Variants in C12orf50 observed in about 807,000 individuals in gnomAD.
C12orf50 encodes the protein uncharacterized protein C12orf50.
C12orf50 carries 35 observed loss-of-function variants against 61.6 expected under a neutral mutation model. The ratio of observed to expected loss-of-function variants is 0.57; its 90% CI spans 0.43 to 0.75. C12orf50 has a LOEUF of 0.75. Among genes scored for constraint, C12orf50 ranks in the 30% least tolerant of loss-of-function variants. The probability of loss-of-function intolerance (pLI) is 0.00; values close to 1 mark genes in which losing one functional copy is unlikely to be tolerated. For synonymous variants in C12orf50, 178 were observed against 161.5 expected (o/e 1.10, Z -0.77); for missense variants, 475 against 488.5 (o/e 0.97, Z 0.26).
chr12:87,995,584 T>G (rs1277023632), intron 6 of C12orf50, among the ~76,000 whole-genome samples: 1 of 152,218 alleles, frequency 6.6e-6, no homozygotes, highest in African/African-American at 2.4e-5. Context: ...ATAAACAGCC[T>G]TTTAAAGCAT....
At chr12:87,998,463 C>T (rs1242509969) in intron 3 of C12orf50, among the ~76,000 whole-genome samples, 2 of 151,614 alleles carry the variant, frequency 1.3e-5, no homozygotes, top group Non-Finnish European at 2.9e-5. Flanking sequence ...GAAAAAGATT[C>T]TGAAAATATA....
chr12:88,027,975 C>T (rs190061102), intron 1 of C12orf50: 1 of 152,128 alleles, frequency 6.6e-6, no homozygotes, highest in Non-Finnish European at 1.5e-5. Context: ...GTATTTGAAA[C>T]CCTGGGCGCC....
intron 7 of C12orf50, among the ~76,000 whole-genome samples, chr12:87,993,905 T>C (rs2031251750): frequency 6.6e-6 from 1 of 152,130 alleles, no homozygotes; most frequent in African/African-American, 2.4e-5. Flanking sequence ...TCCTTTAAAG[T>C]AGACTTTAAG....
At chr12:88,029,019 A>G in intron 1 of C12orf50, 4 of 1,065,482 alleles carry the variant, frequency 3.8e-6, no homozygotes, top group South Asian at 3.5e-5. Flanking sequence ...CCTTCATTCT[A>G]CTAAAAAGAT....
rs1235633332 is a variant in C12orf50 at position 87,983,132 on chromosome 12, G to A, written c.1190C>T (p.Thr397Ile). The part of the protein sequence containing the change: ...AWRKRIPFSK[T>I]YSKSEKIYPE... ...ATATATCTTTTCACTTTTTGAATATGTTTTTGAAAAAGGAATTCGTTTTCG... is the reference window on the plus strand; with the variant it reads ...ATATATCTTTTCACTTTTTGAATATATTTTTGAAAAAGGAATTCGTTTTCG... The change falls in exon 12 of 13, where the codon ACA (threonine) becomes ATA (isoleucine). Residue 397 changes from threonine (T) to isoleucine (I), a missense_variant. Transcript: ENST00000298699. 3 of 1,599,796 alleles carry A rather than the reference G, an allele frequency of 1.9e-6. No individual in the cohort carries two copies.
At chr12:87,981,547 A>G (rs1336526212) in intron 12 of C12orf50, among the ~76,000 whole-genome samples, 1 of 152,106 alleles carries the variant, frequency 6.6e-6, no homozygotes, top group Non-Finnish European at 1.5e-5. Flanking sequence ...GTTAACAAGG[A>G]TTTGGTCAGT....
chr12:88,019,079 A>G (rs2032417993), intron 3 of C12orf50, among the ~76,000 whole-genome samples: 2 of 152,094 alleles, frequency 1.3e-5, no homozygotes, highest in African/African-American at 4.8e-5. Flanking sequence ...GGGAGGGGCC[A>G]GGGATGGAAT....
At chr12:87,998,328 T>G in intron 3 of C12orf50, 138 bp from the exon 4 acceptor site, 1 of 577,250 alleles carries the variant, frequency 1.7e-6, no homozygotes, top group Non-Finnish European at 2.7e-6. Flanking sequence ...ATGGATTGTG[T>G]TTCTACACAC....
chr12:87,988,874 G>T (rs959517385), intron 8 of C12orf50, among the ~76,000 whole-genome samples: 1 of 152,094 alleles, frequency 6.6e-6, no homozygotes, highest in Non-Finnish European at 1.5e-5. Flanking sequence ...ATTATTCACA[G>T]ACTAGTGTTA....
chr12:88,014,394 C>A (rs2032230807), intron 3 of C12orf50, among the ~76,000 whole-genome samples: 1 of 151,874 alleles, frequency 6.6e-6, no homozygotes, highest in African/African-American at 2.4e-5. Context: ...CTCTGCCTCC[C>A]AGGTTCATGC....
In C12orf50 at chr12:87,987,977, A is replaced by T; in HGVS notation, c.701-11T>A. 1 of 1,510,930 alleles carries T rather than the reference A, an allele frequency of 6.6e-7. No homozygotes were observed. The highest frequency in any genetic ancestry group is 9.1e-7 in the Non-Finnish European group (1 of 1,099,280). 93.6% of individuals were successfully genotyped at this position (1,510,930 alleles called of 1,614,324 possible). A position where few individuals can be genotyped will look rare whatever the true frequency, so the allele number is the denominator to read the frequency against. On this transcript the variant is annotated splice_polypyrimidine_tract_variant and intron_variant, in intron 8 of 12. Coordinates refer to ENST00000298699, the MANE Select transcript of C12orf50 (RefSeq NM_152589.3). ...GACTGTCCTTGTTATCTTTTAAAGC[A>T]AATTAAGAAAATAAAATGTCAATAT...
At chr12:87,987,827 A>G (rs1157135068) in intron 9 of C12orf50, 23 bp downstream of exon 9, 1 of 1,464,060 alleles carries the variant, frequency 6.8e-7, no homozygotes, top group East Asian at 2.3e-5. Flanking sequence ...TGAGGCCAAA[A>G]AGTGATAGAG....
At chr12:88,016,681 G>A (rs2032322793) in intron 3 of C12orf50, among the ~76,000 whole-genome samples, 1 of 152,162 alleles carries the variant, frequency 6.6e-6, no homozygotes, top group Non-Finnish European at 1.5e-5. Flanking sequence ...AGTAGAACTG[G>A]CCACTATGTG....
chr12:88,007,453 G>A (rs1051705862), intron 3 of C12orf50, among the ~76,000 whole-genome samples: 3 of 152,178 alleles, frequency 2.0e-5, no homozygotes, highest in Non-Finnish European at 4.4e-5. Context: ...CACAGTACTG[G>A]AGGTTGAGAA....
At chr12:88,010,540 A>G (rs1010161804) in intron 3 of C12orf50, among the ~76,000 whole-genome samples, 6 of 150,430 alleles carry the variant, frequency 4.0e-5, no homozygotes, top group Non-Finnish European at 7.4e-5. Flanking sequence ...AGATGTCATT[A>G]GATACATTTA....
chr12:87,999,969 AATAG>A (rs987560914), intron 3 of C12orf50, among the ~76,000 whole-genome samples: 2 of 152,130 alleles, frequency 1.3e-5, no homozygotes, highest in African/African-American at 4.8e-5. Context: ...AAATATCAAA[AATAG>A]ATATATTTAT....
chr12:88,028,929 C>G (rs549421972), intron 1 of C12orf50: 40 of 295,996 alleles, frequency 1.4e-4, no homozygotes, highest in Non-Finnish European at 2.4e-4. Flanking sequence ...TAAGCTGTTA[C>G]TCCAGATTTT....
At chr12:88,029,740 C>T (rs937283091), upstream of C12orf50, among the ~76,000 whole-genome samples, 2 of 152,078 alleles carry the variant, frequency 1.3e-5, no homozygotes, top group African/African-American at 2.4e-5. Context: ...AAATGAGCTA[C>T]TCATATTCTA....
chr12:88,022,984 T>G (rs993386023), intron 3 of C12orf50, among the ~76,000 whole-genome samples: 1 of 152,138 alleles, frequency 6.6e-6, no homozygotes, highest in Admixed American at 6.5e-5. Context: ...ATAACATTCT[T>G]CACAGAATTA....
Sources: gnomAD v4.1 joint callset for allele counts (sites outside exome capture counted in the v4.1 genomes callset) on GRCh38, gnomAD v4.1.1 for gene constraint, MANE v1.5 for transcripts, NCBI Gene and HGNC (gene_info 2026-07-23, HGNC 2026-07-21) for gene names.